HIVEP2: variants seen among roughly 807,000 people sequenced by gnomAD.
HIVEP2 encodes the protein HIVEP zinc finger 2, also known as transcription factor HIVEP2.
In HIVEP2, 14 loss-of-function variants were observed where a neutral mutation model predicts 180.7. That is an observed-to-expected ratio of 0.08 (90% CI 0.05 to 0.12). The LOEUF is 0.12. Among genes scored for constraint, HIVEP2 ranks in the 10% least tolerant of loss-of-function variants. The probability of loss-of-function intolerance (pLI) is 1.00; values close to 1 mark genes in which losing one functional copy is unlikely to be tolerated. For synonymous variants in HIVEP2, 1,184 were observed against 1,136.4 expected, an observed-to-expected ratio of 1.04 and a Z score of -0.84; for missense variants, 2,579 against 3,008.5, an observed-to-expected ratio of 0.86 and a Z score of 3.34.
chr6:142,759,757 G>C lies in HIVEP2; in HGVS notation c.6516+15C>G, dbSNP rs1293809895. Reference sequence around the variant, plus strand: ...TTCCACTTATGTATTAGAAAGAAAAGTGGATTATACTTACAGGAGGCCCCA... The same window carrying C: ...TTCCACTTATGTATTAGAAAGAAAACTGGATTATACTTACAGGAGGCCCCA... On this transcript the variant is annotated intron_variant, in intron 9 of 9. Coordinates refer to ENST00000367603, the MANE Select transcript of HIVEP2 (RefSeq NM_006734.4). 1.3e-6 allele frequency: 2 copies of C among 1,570,746 alleles called. No individual in the cohort carries two copies. The highest frequency in any genetic ancestry group is 2.7e-5 in the African/African-American group (2 of 72,914).
rs922727883 is a variant in HIVEP2, at chr6:142,793,644, C to A, written c.-527-10029G>T. On this transcript the variant is annotated intron_variant, in intron 2 of 9. Transcript: ENST00000367603. ...CTTCTCTTTCTTTCTTTCTTTCTTT[C>A]TTTCTTTCTTTCTTTTTTCTTTCTT... Among the ~76,000 whole-genome samples, 9 of 34,318 alleles carry A rather than the reference C, an allele frequency of 2.6e-4. No individual in the cohort carries two copies. In the East Asian group the frequency reaches 0.03, roughly 116 times the overall value. The allele number at this position is 34,318 out of a possible 152,430, so 22.5% of individuals were successfully genotyped here.
rs545222511 is a variant in HIVEP2, at chr6:142,869,568, T to G, written c.-640-32521A>C. Among the ~76,000 whole-genome samples, 25 of 152,310 alleles carry G rather than the reference T, an allele frequency of 1.6e-4. No individual in the cohort carries two copies. The South Asian group carries it at 5.2e-3, about 32-fold the overall frequency. On this transcript the variant is annotated intron_variant, in intron 1 of 9. Transcript: ENST00000367603. ...CTGAAGTACTATACTGAATTTTCTC[T>G]GATCACTTTCCCACGTCTTAACTCA...
intron 1 of HIVEP2, among the ~76,000 whole-genome samples, chr6:142,940,616 A>C (rs971520529): frequency 6.6e-6 from 1 of 152,142 alleles, no homozygotes; most frequent in Non-Finnish European, 1.5e-5. Flanking sequence ...TATCAGCCCC[A>C]CTGGCTTGTT....
intron 1 of HIVEP2, among the ~76,000 whole-genome samples, chr6:142,888,308 G>A (rs1231996928): frequency 1.3e-5 from 2 of 152,062 alleles, no homozygotes; most frequent in African/African-American, 4.8e-5. Flanking sequence ...TGCATGCCAT[G>A]TAAAGATGGG....
upstream of HIVEP2, among the ~76,000 whole-genome samples, chr6:142,945,506 C>A (rs937849385): frequency 6.6e-6 from 1 of 152,114 alleles, no homozygotes; most frequent in Non-Finnish European, 1.5e-5. The surrounding 1 kb of genome is among the most constrained non-coding windows in gnomAD (Gnocchi z 5.5). Context: ...CGAGGAGGGA[C>A]CTAGATTCCC....
chr6:142,917,248 G>T (rs1303373210), intron 1 of HIVEP2, among the ~76,000 whole-genome samples: 1 of 152,074 alleles, frequency 6.6e-6, no homozygotes, highest in Non-Finnish European at 1.5e-5. Flanking sequence ...TCTTCTCCAG[G>T]ATCATCAACC....
chr6:142,844,772 T>C (rs549324720), intron 1 of HIVEP2, among the ~76,000 whole-genome samples: 18 of 152,232 alleles, frequency 1.2e-4, no homozygotes, highest in African/African-American at 4.1e-4. Flanking sequence ...GTCAATCCAA[T>C]GCACACACAC....
intron 2 of HIVEP2, among the ~76,000 whole-genome samples, chr6:142,816,086 G>A (rs766656821): frequency 1.3e-5 from 2 of 152,136 alleles, no homozygotes; most frequent in Non-Finnish European, 2.9e-5. Flanking sequence ...CATCAATTAA[G>A]TGCTACTACA....
chr6:142,840,426 AT>A (rs1284549873), intron 1 of HIVEP2, among the ~76,000 whole-genome samples: 1 of 152,058 alleles, frequency 6.6e-6, no homozygotes, highest in East Asian at 1.9e-4. Flanking sequence ...CATTGATGAC[AT>A]TTTTAACCAG....
intron 9 of HIVEP2, among the ~76,000 whole-genome samples, chr6:142,756,398 T>C (rs1334755180): frequency 6.6e-6 from 1 of 152,182 alleles, no homozygotes; most frequent in Non-Finnish European, 1.5e-5. Flanking sequence ...GCAGGAGGCT[T>C]GTCTGCCCAC....
At chr6:142,913,646 G>A (rs1777474439) in intron 1 of HIVEP2, among the ~76,000 whole-genome samples, 1 of 152,228 alleles carries the variant, frequency 6.6e-6, no homozygotes, top group Non-Finnish European at 1.5e-5. Context: ...AACGTGGTGA[G>A]AGCACAACTG....
chr6:142,875,211 G>A (rs564595848), intron 1 of HIVEP2, among the ~76,000 whole-genome samples: 2 of 152,128 alleles, frequency 1.3e-5, no homozygotes, highest in African/African-American at 4.8e-5. Flanking sequence ...GCCATGCAGG[G>A]GATATGCAGG....
At chr6:142,856,405 A>G (rs1775823582) in intron 1 of HIVEP2, among the ~76,000 whole-genome samples, 1 of 152,206 alleles carries the variant, frequency 6.6e-6, no homozygotes, top group South Asian at 2.1e-4. Flanking sequence ...GGTGAAACTA[A>G]AAGTCATATG....
chr6:142,834,454 CCTT>C (rs928210189), intron 2 of HIVEP2, among the ~76,000 whole-genome samples: 8 of 152,184 alleles, frequency 5.3e-5, no homozygotes, highest in African/African-American at 9.6e-5. Context: ...ATAATTTTCA[CCTT>C]CTTTTTTTAG....
intron 2 of HIVEP2, among the ~76,000 whole-genome samples, chr6:142,797,903 C>A (rs1031979934): frequency 6.6e-6 from 1 of 151,974 alleles, no homozygotes; most frequent in African/African-American, 2.4e-5. Context: ...ATAAGGGAGA[C>A]CACTGTACAC....
intron 1 of HIVEP2, among the ~76,000 whole-genome samples, chr6:142,843,414 T>C (rs1349745709): frequency 6.6e-6 from 1 of 152,130 alleles, no homozygotes; most frequent in African/African-American, 2.4e-5. Context: ...ACTCTAAGGA[T>C]AATAGGAGTT....
At chr6:142,786,360 A>C (rs1775997644) in intron 2 of HIVEP2, among the ~76,000 whole-genome samples, 1 of 152,266 alleles carries the variant, frequency 6.6e-6, no homozygotes, top group African/African-American at 2.4e-5. Flanking sequence ...GTTTTCAGAA[A>C]TAGTGCTAAT....
intron 1 of HIVEP2, among the ~76,000 whole-genome samples, chr6:142,870,141 C>T (rs992627661): frequency 2.0e-5 from 3 of 151,840 alleles, no homozygotes; most frequent in Non-Finnish European, 4.4e-5. Flanking sequence ...TCTGCAGCAG[C>T]CCACACCCTG....
intron 1 of HIVEP2, among the ~76,000 whole-genome samples, chr6:142,862,616 ATATG>A (rs904138128): frequency 2.3e-4 from 33 of 145,026 alleles, no homozygotes; most frequent in African/African-American, 7.5e-4. Flanking sequence ...ATAATCGATT[ATATG>A]TATTATATAT....
Sources: allele counts gnomAD v4.1 joint callset (sites outside exome capture counted in the v4.1 genomes callset), GRCh38; gene constraint gnomAD v4.1.1; non-coding constraint Gnocchi (gnomAD v3.1); transcripts MANE v1.5; gene names NCBI Gene and HGNC (gene_info 2026-07-23, HGNC 2026-07-21).